Variants in KLF12 observed in about 807,000 individuals in gnomAD.
KLF12 encodes the protein KLF transcription factor 12.
A neutral mutation model predicts 37.8 loss-of-function variants in KLF12; 9 were observed. The observed-to-expected ratio is 0.24, with a 90% CI of 0.14 to 0.42. The LOEUF is 0.42. Ranked by LOEUF, KLF12 falls within the 10% of genes least tolerant of loss-of-function variation. The pLI is 1.00. For missense variants in KLF12, 411 were observed against 516.0 expected, an observed-to-expected ratio of 0.80 and a Z score of 1.97; for synonymous variants, 208 against 202.1, an observed-to-expected ratio of 1.03 and a Z score of -0.25.
intron 3 of KLF12, among the ~76,000 whole-genome samples, chr13:73,895,588 G>A (rs1170864838): frequency 6.6e-6 from 1 of 152,180 alleles, no homozygotes; most frequent in Non-Finnish European, 1.5e-5. Context: ...AAGGGTTACA[G>A]GGTGAATTAT....
chr13:74,187,848 A>C, the KLF12 span, among the ~76,000 whole-genome samples: 1 of 152,164 alleles, frequency 6.6e-6, no homozygotes, highest in Admixed American at 6.5e-5. Context: ...GGTTTTAGAC[A>C]CTGACAAACC....
At chr13:73,979,531 C>A (rs924534385) in intron 2 of KLF12, among the ~76,000 whole-genome samples, 2 of 151,224 alleles carry the variant, frequency 1.3e-5, no homozygotes, top group African/African-American at 4.9e-5. Flanking sequence ...ACAAAGCTAA[C>A]AAAATAGAGA....
At chr13:73,882,861 A>G (rs1887045443) in intron 3 of KLF12, among the ~76,000 whole-genome samples, 1 of 152,232 alleles carries the variant, frequency 6.6e-6, no homozygotes, top group Non-Finnish European at 1.5e-5. Flanking sequence ...GGAAATAAAC[A>G]GCAGCCTCAT....
At chr13:74,292,796 C>G in the KLF12 span, among the ~76,000 whole-genome samples, 1 of 152,144 alleles carries the variant, frequency 6.6e-6, no homozygotes, top group East Asian at 1.9e-4. Context: ...CCATGTTATG[C>G]TTTTCCATTG....
chr13:74,163,127 T>C, the KLF12 span, among the ~76,000 whole-genome samples: 1 of 152,162 alleles, frequency 6.6e-6, no homozygotes, highest in Admixed American at 6.5e-5. Flanking sequence ...CTGTACGCTG[T>C]TGGTGGGAAT....
chr13:73,990,953 G>A (rs940306942), intron 2 of KLF12, among the ~76,000 whole-genome samples: 3 of 152,222 alleles, frequency 2.0e-5, no homozygotes, highest in East Asian at 1.9e-4. Context: ...TATGAGGCAC[G>A]GAGATGATGG....
chr13:74,143,810 A>G, the KLF12 span, among the ~76,000 whole-genome samples: 1 of 152,254 alleles, frequency 6.6e-6, no homozygotes, highest in African/African-American at 2.4e-5. Flanking sequence ...TCAATAAACT[A>G]CATGAGATAT....
At chr13:73,911,254 A>G (rs956203243) in intron 3 of KLF12, among the ~76,000 whole-genome samples, 2 of 152,176 alleles carry the variant, frequency 1.3e-5, no homozygotes, top group African/African-American at 4.8e-5. Flanking sequence ...TTTAAAATAA[A>G]TGAATAAAAA....
At chr13:74,232,375 T>C in the KLF12 span, among the ~76,000 whole-genome samples, 1 of 152,228 alleles carries the variant, frequency 6.6e-6, no homozygotes, top group Admixed American at 6.5e-5. Flanking sequence ...CTGACTCTCT[T>C]GTATGTCCAT....
At chr13:73,878,818 T>G (rs1886836186) in intron 3 of KLF12, among the ~76,000 whole-genome samples, 1 of 151,770 alleles carries the variant, frequency 6.6e-6, no homozygotes, top group Non-Finnish European at 1.5e-5. Flanking sequence ...GGGAGAGCTG[T>G]GAGTAGGCAG....
chr13:73,811,054 C>T (rs929554994), intron 5 of KLF12, among the ~76,000 whole-genome samples: 1 of 121,010 alleles, frequency 8.3e-6, no homozygotes, highest in African/African-American at 3.1e-5. Context: ...GATGTGATCT[C>T]AGCTCACTGC....
chr13:74,120,624 CAT>C (rs975748506), intron 1 of KLF12, among the ~76,000 whole-genome samples: 3 of 151,424 alleles, frequency 2.0e-5, no homozygotes, highest in Non-Finnish European at 4.4e-5. Flanking sequence ...AATTTTAAAA[CAT>C]ATTTTTGTCT....
chr13:74,065,834 T>C (rs1170232712), intron 1 of KLF12, among the ~76,000 whole-genome samples: 1 of 151,876 alleles, frequency 6.6e-6, no homozygotes, highest in Non-Finnish European at 1.5e-5. Flanking sequence ...TCTCTAGACA[T>C]GTGACATGAG....
rs972786512 is a variant in KLF12, at chr13:73,691,948, T to C, written c.*3542A>G. The C allele has an allele frequency of 9.2e-5, 14 of 152,628 alleles. No homozygotes were observed. The highest frequency in any genetic ancestry group is 7.2e-4 in the Admixed American group (11 of 15,274). 9.5% of individuals were successfully genotyped at this position (152,628 alleles called of 1,614,324 possible). On this transcript the variant is annotated 3_prime_UTR_variant, in exon 8 of 8. Coordinates refer to ENST00000377669, the MANE Select transcript of KLF12 (RefSeq NM_007249.5). ...CTGGAACTGGCATTTGTAAACACTG[T>C]AGCATTTTGTAAGTTTTTCCCCTGA...
intron 4 of KLF12, among the ~76,000 whole-genome samples, chr13:73,818,302 C>G (rs921728075): frequency 6.6e-6 from 1 of 152,242 alleles, no homozygotes; most frequent in Non-Finnish European, 1.5e-5. Flanking sequence ...ACAGCCACTG[C>G]GCCGGCCGAA....
chr13:74,012,434 C>G (rs1272445761), intron 1 of KLF12, among the ~76,000 whole-genome samples: 1 of 152,176 alleles, frequency 6.6e-6, no homozygotes, highest in African/African-American at 2.4e-5. Flanking sequence ...TGAAGCAGGG[C>G]TGCTTTTTTA....
chr13:74,298,044 C>T, the KLF12 span, among the ~76,000 whole-genome samples: 2 of 152,098 alleles, frequency 1.3e-5, no homozygotes, highest in Non-Finnish European at 2.9e-5. Flanking sequence ...TCTACAATCG[C>T]CTGTACGGTG....
the KLF12 span, among the ~76,000 whole-genome samples, chr13:74,274,855 A>G: frequency 6.6e-6 from 1 of 152,304 alleles, no homozygotes; most frequent in East Asian, 1.9e-4. Context: ...ACATGTTACA[A>G]ATATATTTCT....
At chr13:73,815,795 C>G (rs1169819470) in intron 4 of KLF12, among the ~76,000 whole-genome samples, 1 of 152,154 alleles carries the variant, frequency 6.6e-6, no homozygotes, top group Non-Finnish European at 1.5e-5. Context: ...GTAAGTAATA[C>G]AACTCAAGGA....
Sources: gnomAD v4.1 joint callset for allele counts (sites outside exome capture counted in the v4.1 genomes callset) on GRCh38, gnomAD v4.1.1 for gene constraint, MANE v1.5 for transcripts, NCBI Gene and HGNC (gene_info 2026-07-23, HGNC 2026-07-21) for gene names.